SMIM41: variants seen among roughly 807,000 people sequenced by gnomAD.
The protein encoded by SMIM41 is small integral membrane protein 41.
At chr12:52,094,944 CCT>C (rs1265853704) in intron 2 of SMIM41, 4 of 149,536 alleles carry the variant, frequency 2.7e-5, no homozygotes, top group African/African-American at 2.6e-5. Flanking sequence ...ACCCCTGCCC[CCT>C]GTTTTTTTTT....
At chr12:52,105,091 C>A (rs1236996915) in intron 2 of SMIM41, among the ~76,000 whole-genome samples, 1 of 152,216 alleles carries the variant, frequency 6.6e-6, no homozygotes, top group African/African-American at 2.4e-5. Context: ...TGGCATTTGG[C>A]CAGTCCTCTC....
intron 2 of SMIM41, among the ~76,000 whole-genome samples, chr12:52,103,252 G>A (rs1940256639): frequency 6.6e-6 from 1 of 151,712 alleles, no homozygotes; most frequent in Non-Finnish European, 1.5e-5. Flanking sequence ...GCTTGAACCC[G>A]GGAGGTGGAG....
intron 2 of SMIM41, among the ~76,000 whole-genome samples, chr12:52,088,883 C>G (rs1939936873): frequency 6.6e-6 from 1 of 152,130 alleles, no homozygotes; most frequent in African/African-American, 2.4e-5. Context: ...TACTGTCCCT[C>G]ACGTGCTCCA....
rs141823963 is a variant in SMIM41, at chr12:52,088,257, G to A, written c.*195+4289G>A. 4.3e-4 allele frequency among the ~76,000 whole-genome samples: 65 copies of A among 152,338 alleles called. 1 individual carries two copies. The highest frequency in any genetic ancestry group is 1.5e-3 in the African/African-American group (63 of 41,582). On this transcript the variant is annotated intron_variant, in intron 2 of 2. Coordinates refer to ENST00000546390, the MANE Select transcript of SMIM41 (RefSeq NM_001369216.1). ...CAGCAGAGTGACGGGATGGAAACCT[G>A]TGGGAGACTTTCGTGAAGGTGGCCA...
intron 2 of SMIM41, among the ~76,000 whole-genome samples, chr12:52,096,296 A>T (rs1291195562): frequency 1.3e-5 from 2 of 152,064 alleles, no homozygotes; most frequent in Admixed American, 6.5e-5. Context: ...GGGTGGATGT[A>T]CACCCACTGC....
chr12:52,085,340 C>T (rs547740001), intron 2 of SMIM41, among the ~76,000 whole-genome samples: 27 of 152,186 alleles, frequency 1.8e-4, no homozygotes, highest in African/African-American at 6.0e-4. Flanking sequence ...ATTCTGGCAC[C>T]GTAGTTATTA....
chr12:52,100,622 A>ATTTTTTTTTTTTTTTTT (rs1173057236), intron 2 of SMIM41, among the ~76,000 whole-genome samples: 3 of 111,128 alleles, frequency 2.7e-5, no homozygotes, highest in African/African-American at 7.0e-5. Flanking sequence ...GCGCCCAGCT[A>ATTTTTTTTTTTTTTTTT]TTTTTTTTTT....
intron 2 of SMIM41, among the ~76,000 whole-genome samples, chr12:52,097,875 G>A (rs1411979250): frequency 6.6e-6 from 1 of 151,720 alleles, no homozygotes; most frequent in Non-Finnish European, 1.5e-5. Context: ...TTTCTTCCCC[G>A]CTGGATATTA....
intron 2 of SMIM41, among the ~76,000 whole-genome samples, chr12:52,103,711 G>A (rs1940268999): frequency 6.6e-6 from 1 of 152,106 alleles, no homozygotes; most frequent in African/African-American, 2.4e-5. Flanking sequence ...CTGAGATCAC[G>A]ACACTGCACT....
intron 2 of SMIM41, among the ~76,000 whole-genome samples, chr12:52,096,334 C>G: frequency 6.6e-6 from 1 of 151,900 alleles, no homozygotes; most frequent in Non-Finnish European, 1.5e-5. Flanking sequence ...CATACTCCAC[C>G]CCCTGGATAT....
chr12:52,087,051 C>T (rs1327244511), intron 2 of SMIM41, among the ~76,000 whole-genome samples: 3 of 152,218 alleles, frequency 2.0e-5, no homozygotes, highest in African/African-American at 7.2e-5. Flanking sequence ...GCAGCCAGCT[C>T]TCTCTCCTGC....
chr12:52,092,984 A>G (rs1204172404), intron 2 of SMIM41, among the ~76,000 whole-genome samples: 2 of 152,186 alleles, frequency 1.3e-5, no homozygotes, highest in Non-Finnish European at 2.9e-5. Flanking sequence ...TATCGAGACC[A>G]TCCTGGCTAA....
intron 2 of SMIM41, among the ~76,000 whole-genome samples, chr12:52,104,457 G>T (rs763443419): frequency 6.6e-6 from 1 of 152,156 alleles, no homozygotes; most frequent in Admixed American, 6.5e-5. Flanking sequence ...AGCCTCCATC[G>T]TGCACCACGC....
At chr12:52,094,362 A>AT (rs1276807179) in intron 2 of SMIM41, among the ~76,000 whole-genome samples, 1 of 151,462 alleles carries the variant, frequency 6.6e-6, no homozygotes, top group African/African-American at 2.4e-5. Flanking sequence ...TGGCCAGCTA[A>AT]TTTTTTTGGT....
At position 52,093,266 on chromosome 12, in the gene SMIM41, CAG is replaced by C. The variant is rs1565667896; in HGVS notation, c.*195+9303_*195+9304del. 5.3e-5 allele frequency among the ~76,000 whole-genome samples: 8 copies of C among 152,330 alleles called. No homozygotes were observed. The South Asian group carries it at 1.5e-3, about 28-fold the overall frequency. On this transcript the variant is annotated intron_variant, in intron 2 of 2. Coordinates refer to ENST00000546390, the MANE Select transcript of SMIM41 (RefSeq NM_001369216.1). ...ACAACTTACATAAAACAAATCTCTA[CAG>C]AGAGTGTTGACCAAGGATGTTCAAT...
intron 2 of SMIM41, among the ~76,000 whole-genome samples, chr12:52,090,843 T>C (rs1355596396): frequency 6.6e-6 from 1 of 152,144 alleles, no homozygotes; most frequent in Non-Finnish European, 1.5e-5. Context: ...GTGGGGCAGC[T>C]TCTTCTTGAA....
chr12:52,099,787 C>T (rs1200370214), intron 2 of SMIM41, among the ~76,000 whole-genome samples: 2 of 150,512 alleles, frequency 1.3e-5, no homozygotes, highest in Non-Finnish European at 3.0e-5. Context: ...TCCTCTTTTT[C>T]CCTGGATACT....
At position 52,081,670 on chromosome 12, in the gene SMIM41, C is replaced by T. The variant is rs1939821632; in HGVS notation, c.*120+1489C>T. On this transcript the variant is annotated intron_variant, in intron 1 of 2. Transcript: ENST00000546390. This position sits in a 1 kb window ranked among gnomAD's most constrained non-coding sequence, Gnocchi z 4.1. The stretch of plus-strand genomic sequence containing the variant: ...GGGGGAGAGGGTGGGAACTTCCTCT[C>T]TTGATTGTACCCGGTTTCACCCAGC... 6.6e-6 allele frequency among the ~76,000 whole-genome samples: 1 copy of T among 152,156 alleles called. No individual in the cohort carries two copies. The highest frequency in any genetic ancestry group is 2.4e-5 in the African/African-American group (1 of 41,440).
rs1445855234 is a variant in SMIM41 at position 52,107,361 on chromosome 12, C to T, written c.*196-18C>T. ...GACCCACAGAATCTAACAGATGTCT[C>T]TATATTCCTCCTCCTAGAACCTCAG... On this transcript the variant is annotated intron_variant, in intron 2 of 2. Coordinates refer to ENST00000546390, the MANE Select transcript of SMIM41 (RefSeq NM_001369216.1). 1.9e-6 allele frequency: 1 copy of T among 514,256 alleles called. No individual in the cohort carries two copies. The highest frequency in any genetic ancestry group is 1.9e-5 in the African/African-American group (1 of 51,572). 31.9% of individuals were successfully genotyped at this position (514,256 alleles called of 1,614,324 possible).
Sources: allele counts gnomAD v4.1 joint callset (sites outside exome capture counted in the v4.1 genomes callset), GRCh38; gene constraint gnomAD v4.1.1; non-coding constraint Gnocchi (gnomAD v3.1); transcripts MANE v1.5; gene names NCBI Gene and HGNC (gene_info 2026-07-23, HGNC 2026-07-21).